LRP1: variants seen among roughly 807,000 people sequenced by gnomAD.
LRP1 encodes the protein LDL receptor related protein 1, also known as prolow-density lipoprotein receptor-related protein 1.
Under a neutral mutation model 541.5 loss-of-function variants are expected in LRP1, and 51 were observed. The ratio of observed to expected loss-of-function variants is 0.09; its 90% confidence interval spans 0.08 to 0.12. LRP1 has a LOEUF of 0.12. Ranked by LOEUF, LRP1 falls within the 10% of genes least tolerant of loss-of-function variation. The pLI is 1.00. For missense variants in LRP1, 3,878 were observed against 6,376.2 expected (o/e 0.61, Z 13.34); for synonymous variants, 2,219 against 2,470.8 (o/e 0.90, Z 3.02).
chr12:57,208,600 C>A, intron 77 of LRP1, 111 bp from the exon 78 acceptor site: 1 of 664,880 alleles, frequency 1.5e-6, no homozygotes, highest in Non-Finnish European at 2.7e-6. Context: ...AGAATGCCCT[C>A]CTCCCAGTCC....
rs1330410291 is a variant in LRP1 at position 57,179,184 on chromosome 12, G to T, written c.4739-145G>T. On this transcript the variant is annotated intron_variant, in intron 28 of 88. Transcript: ENST00000243077. This position sits in a 1 kb window ranked among gnomAD's most constrained non-coding sequence, Gnocchi z 6.8. Reference sequence around the variant, plus strand: ...GTGAGAAGGGGCTGCAGGTCTGCCAGGGGGGCTGCACCCAGCGGGGTATGT... The same window carrying T: ...GTGAGAAGGGGCTGCAGGTCTGCCATGGGGGCTGCACCCAGCGGGGTATGT... 1.0e-5 allele frequency: 12 copies of T among 1,192,446 alleles called. No individual in the cohort carries two copies. In the East Asian group the frequency reaches 3.1e-4, roughly 30 times the overall value. The allele number at this position is 1,192,446 out of a possible 1,614,324, so 73.9% of individuals were successfully genotyped here. A position where few individuals can be genotyped will look rare whatever the true frequency, so the allele number is the denominator to read the frequency against.
rs762268294 is a variant in LRP1, at chr12:57,197,291, G to C, written c.9077-8G>C. ...GCCAGGAGCTGAGGCAAGATCCTCTGTCTGCAGACGAGGAACCGTTTCTGA... is the reference window on the plus strand; with the variant it reads ...GCCAGGAGCTGAGGCAAGATCCTCTCTCTGCAGACGAGGAACCGTTTCTGA... On this transcript the variant is annotated splice_polypyrimidine_tract_variant and splice_region_variant and intron_variant, in intron 56 of 88. Coordinates refer to ENST00000243077, the MANE Select transcript of LRP1 (RefSeq NM_002332.3). This position sits in a 1 kb window ranked among gnomAD's most constrained non-coding sequence, Gnocchi z 4.5. The C allele has an allele frequency of 8.1e-6, 13 of 1,614,080 alleles. No homozygotes were observed. The South Asian group carries it at 1.4e-4, about 18-fold the overall frequency.
rs2136709138 is a variant in LRP1, at chr12:57,183,820, G to C, written c.5840G>C (p.Ser1947Thr). Residue 1947 changes from serine (S) to threonine (T), a missense_variant, in exon 36 of 89, where the codon AGC becomes ACC. Ser to Thr is a moderately conservative substitution (Grantham distance 58). Transcript: ENST00000243077. This position sits in a 1 kb window ranked among gnomAD's most constrained non-coding sequence, Gnocchi z 6.1. ...GTGGACATGGGCCTGAGCACGATCA[G>C]CCGGGCCAAGCGGGACCAGACGTGG... ...YWVDMGLSTI[S>T]RAKRDQTWRE... 1 of 1,614,164 alleles carries C rather than the reference G, an allele frequency of 6.2e-7. No individual in the cohort carries two copies. Among genetic ancestry groups the C allele is most frequent in the African/African-American group, 1.3e-5 (1 of 75,054 alleles).
rs1342413677 is a variant in LRP1 at position 57,158,341 on chromosome 12, C to T, written c.1562-61C>T. The T allele has an allele frequency of 2.8e-6, 4 of 1,406,638 alleles. No homozygotes were observed. Among genetic ancestry groups the T allele is most frequent in the Admixed American group, 1.9e-5 (1 of 53,016 alleles). The allele number at this position is 1,406,638 out of a possible 1,614,324, so 87.1% of individuals were successfully genotyped here. A position where few individuals can be genotyped will look rare whatever the true frequency, so the allele number is the denominator to read the frequency against. On this transcript the variant is annotated intron_variant, in intron 10 of 88. Transcript: ENST00000243077. The surrounding 1 kb of genome is among the most constrained non-coding windows in gnomAD (Gnocchi z 5.3). ...GCATTGCAGCCCCTTGGCCGCAGCC[C>T]CTGGGTGGGGATGATGGTCATGTGT... is the stretch of plus-strand genomic sequence containing the variant.
intron 1 of LRP1, among the ~76,000 whole-genome samples, chr12:57,132,849 C>T (rs1422884888): frequency 6.6e-6 from 1 of 152,056 alleles, no homozygotes; most frequent in Non-Finnish European, 1.5e-5. Context: ...TCTGGGCTTT[C>T]CCACTCACCC....
Position 57,202,543 on chromosome 12 carries a change from T to TTGGCCCCCC in LRP1, c.10711+6_10711+7insTGGCCCCCC. 3.3e-6 allele frequency: 5 copies of TTGGCCCCCC among 1,523,576 alleles called. No homozygotes were observed. Among genetic ancestry groups the TTGGCCCCCC allele is most frequent in the East Asian group, 2.5e-5 (1 of 40,532 alleles). The allele number at this position is 1,523,576 out of a possible 1,614,324, so 94.4% of individuals were successfully genotyped here. A position where few individuals can be genotyped will look rare whatever the true frequency, so the allele number is the denominator to read the frequency against. ...CTCCGATGAAGAGAGCTGCAGTACG[T>TTGGCCCCCC]CCCCACCCACCCAGCCCCGCATGAG... On this transcript the variant is annotated splice_region_variant and intron_variant, in intron 68 of 88. Transcript: ENST00000243077.
chr12:57,199,151 G>C, intron 60 of LRP1, 61 bp from the exon 61 acceptor site: 1 of 1,525,472 alleles, frequency 6.6e-7, no homozygotes, highest in Non-Finnish European at 9.0e-7. Context: ...GAGGTGGAGT[G>C]GGCCGGCACC....
rs780516915 is a variant in LRP1, at chr12:57,200,519, C to T, written c.10092C>T (p.Asp3364=). ...AGGACGACTGCGGGGACCACTCAGA[C>T]GAGCCCCCGGACTGCCGTGAGTGCC... The part of the protein sequence containing the change: ...DTEDDCGDHS[D]EPPDCPEFKC... The change falls in exon 63 of 89, where the codon GAC becomes GAT. Residue 3364 remains aspartate (D), a synonymous_variant. Coordinates refer to ENST00000243077, the MANE Select transcript of LRP1 (RefSeq NM_002332.3). The T allele has an allele frequency of 8.1e-6, 13 of 1,613,358 alleles. No individual in the cohort carries two copies. Among genetic ancestry groups the T allele is most frequent in the Non-Finnish European group, 8.5e-6 (10 of 1,179,854 alleles).
Position 57,173,426 on chromosome 12 carries a change from G to T in LRP1, c.3346+76G>T. ...GAGACCGTGTTGAGAGCAGAGTAGC[G>T]GCAAAGGGGATGGCACTGTGCTGTG... On this transcript the variant is annotated intron_variant, in intron 21 of 88. Transcript: ENST00000243077. This position sits in a 1 kb window ranked among gnomAD's most constrained non-coding sequence, Gnocchi z 4.7. The T allele has an allele frequency of 6.8e-7, 1 of 1,474,590 alleles. No individual in the cohort carries two copies. The highest frequency in any genetic ancestry group is 1.3e-5 in the South Asian group (1 of 79,150). 91.3% of individuals were successfully genotyped at this position (1,474,590 alleles called of 1,614,324 possible).
rs768256707 is a variant in LRP1, at chr12:57,173,239, C to T, written c.3235C>T (p.Arg1079Trp). 2.5e-6 allele frequency: 4 copies of T among 1,613,892 alleles called. No individual in the cohort carries two copies. The Admixed American group carries it at 5.0e-5, about 20-fold the overall frequency. Residue 1079 changes from arginine (R) to tryptophan (W), a missense_variant, in exon 21 of 89, where the codon CGG (arginine) becomes TGG (tryptophan). Around this residue, in one of 13 missense-constraint regions of LRP1, gnomAD observed 320 missense variants for 547.9 expected, o/e 0.58. Transcript: ENST00000243077. This position sits in a 1 kb window ranked among gnomAD's most constrained non-coding sequence, Gnocchi z 4.7. ...GCTGGATGGACTATGCATCCCCCTG[C>T]GGTGGCGCTGCGATGGGGACACTGA... is the stretch of plus-strand genomic sequence containing the variant. ...CRLDGLCIPL[R>W]WRCDGDTDCM...
chr12:57,128,823 T>C lies in LRP1; in HGVS notation c.-142T>C. Reference sequence around the variant, plus strand: ...TCTACCTCTTCACCCACGCCCCTGGTGCGCTTTGCCGAAGGAAAGAATAAG... The same window carrying C: ...TCTACCTCTTCACCCACGCCCCTGGCGCGCTTTGCCGAAGGAAAGAATAAG... On this transcript the variant is annotated 5_prime_UTR_variant, in exon 1 of 89. Coordinates refer to ENST00000243077, the MANE Select transcript of LRP1 (RefSeq NM_002332.3). The C allele has an allele frequency of 1.4e-6, 1 of 691,070 alleles. No homozygotes were observed. The highest frequency in any genetic ancestry group is 2.4e-6 in the Non-Finnish European group (1 of 419,388). The allele number at this position is 691,070 out of a possible 1,614,324, so 42.8% of individuals were successfully genotyped here. A position where few individuals can be genotyped will look rare whatever the true frequency, so the allele number is the denominator to read the frequency against.
At chr12:57,143,847 T>C (rs1486009992) in intron 4 of LRP1, 49 bp downstream of exon 4, 1 of 1,571,868 alleles carries the variant, frequency 6.4e-7, no homozygotes, top group Admixed American at 1.7e-5. Flanking sequence ...CAGTAGCCAG[T>C]TGAGGTGGGC....
chr12:57,171,309 T>C (rs995958303), intron 20 of LRP1, among the ~76,000 whole-genome samples: 1 of 152,128 alleles, frequency 6.6e-6, no homozygotes, highest in Non-Finnish European at 1.5e-5. Context: ...TCTGGGACCA[T>C]TCAGGAGGAG....
Position 57,179,007 on chromosome 12 carries a change from A to G in LRP1, c.4724A>G (p.Asn1575Ser). The G allele has an allele frequency of 6.2e-7, 1 of 1,614,018 alleles. No individual in the cohort carries two copies. Among genetic ancestry groups the G allele is most frequent in the Non-Finnish European group, 8.5e-7 (1 of 1,179,968 alleles). The change falls in exon 28 of 89, where the codon AAC becomes AGC. Residue 1575 changes from asparagine (N) to serine (S), a missense_variant. By Grantham distance (46) the Asn-to-Ser change is conservative. Around this residue, in one of 13 missense-constraint regions of LRP1, gnomAD observed 394 missense variants for 635.9 expected, o/e 0.62. Transcript: ENST00000243077. This position sits in a 1 kb window ranked among gnomAD's most constrained non-coding sequence, Gnocchi z 6.8. ...CACCTCATGAAGCTCCACAAGGACA[A>G]CACCACCTGCTATGGTAGGAGCCCC... Reference protein sequence around the residue: ...CPHLMKLHKDNTTCYEFKKFL... With the variant: ...CPHLMKLHKDSTTCYEFKKFL...
intron 12 of LRP1, among the ~76,000 whole-genome samples, chr12:57,160,456 G>T (rs1463140875): frequency 6.6e-6 from 1 of 152,058 alleles, no homozygotes. Context: ...GATATTTGCC[G>T]GACTGGCTTC....
intron 6 of LRP1, 34 bp downstream of exon 6, chr12:57,145,524 G>A: frequency 6.2e-7 from 1 of 1,603,498 alleles, no homozygotes; most frequent in African/African-American, 1.3e-5. Context: ...GAGGGCTGGG[G>A]AGGGTAGGGG....
chr12:57,193,348 C>G, intron 46 of LRP1, 44 bp downstream of exon 46: 1 of 1,601,404 alleles, frequency 6.2e-7, no homozygotes, highest in Non-Finnish European at 8.5e-7. Context: ...GGCCCAGAGC[C>G]CAGGTCCTCC....
In LRP1 at chr12:57,199,201, T is replaced by G; in HGVS notation, c.9677-11T>G. On this transcript the variant is annotated splice_polypyrimidine_tract_variant and intron_variant, in intron 60 of 88. Coordinates refer to ENST00000243077, the MANE Select transcript of LRP1 (RefSeq NM_002332.3). ...GCTGACTGGCACTGTGCCTGCCCCTTGGCCCTGCAGTGCTGAGCCAGGACA... is the reference window on the plus strand; with the variant it reads ...GCTGACTGGCACTGTGCCTGCCCCTGGGCCCTGCAGTGCTGAGCCAGGACA... The G allele has an allele frequency of 1.2e-6, 2 of 1,611,626 alleles. No individual in the cohort carries two copies. The highest frequency in any genetic ancestry group is 1.7e-6 in the Non-Finnish European group (2 of 1,178,986).
intron 76 of LRP1, 66 bp from the exon 77 acceptor site, chr12:57,207,972 G>A (rs2036821553): frequency 2.6e-6 from 4 of 1,562,460 alleles, no homozygotes; most frequent in South Asian, 2.3e-5. Flanking sequence ...GGCTGGCAGA[G>A]TGGTGGCGGG....
Sources: gnomAD v4.1 joint callset for allele counts (sites outside exome capture counted in the v4.1 genomes callset) on GRCh38, gnomAD v4.1.1 for gene constraint, gnomAD v4.1.1 regional missense constraint, Gnocchi (gnomAD v3.1) non-coding constraint, MANE v1.5 for transcripts, NCBI Gene and HGNC (gene_info 2026-07-23, HGNC 2026-07-21) for gene names.